The following TTLL5 variants were observed in gnomAD, a reference collection of about 807,000 sequenced individuals.
The protein encoded by TTLL5 is tubulin polyglutamylase TTLL5.
Under a neutral mutation model 168.4 loss-of-function variants are expected in TTLL5, and 132 were observed. That is an observed-to-expected ratio of 0.78 (90% CI 0.68 to 0.91). The LOEUF (loss-of-function observed/expected upper bound fraction) is 0.91. Ranked by LOEUF, TTLL5 falls within the 40% of genes least tolerant of loss-of-function variation. The probability of loss-of-function intolerance (pLI) is 0.00; values close to 1 mark genes in which losing one functional copy is unlikely to be tolerated. For missense variants in TTLL5, 1,545 were observed against 1,581.5 expected (o/e 0.98, Z 0.39); for synonymous variants, 546 against 558.6 (o/e 0.98, Z 0.32).
At chr14:75,844,124 G>A (rs977242691) in intron 28 of TTLL5, among the ~76,000 whole-genome samples, 6 of 151,710 alleles carry the variant, frequency 4.0e-5, no homozygotes, top group African/African-American at 9.7e-5. Flanking sequence ...CTCATGATCC[G>A]CCCGCCTCAG....
intron 7 of TTLL5, among the ~76,000 whole-genome samples, chr14:75,706,259 T>G (rs1886652210): frequency 6.6e-6 from 1 of 152,222 alleles, no homozygotes; most frequent in African/African-American, 2.4e-5. Flanking sequence ...AAATGCTGCT[T>G]TGTGTTCTTT....
At chr14:75,695,884 C>T (rs1885814709) in intron 6 of TTLL5, among the ~76,000 whole-genome samples, 1 of 136,910 alleles carries the variant, frequency 7.3e-6, no homozygotes. Context: ...CCTTCCCTCC[C>T]CTCTCCTTCC....
At chr14:75,698,538 G>T (rs1886026156) in intron 6 of TTLL5, among the ~76,000 whole-genome samples, 1 of 152,170 alleles carries the variant, frequency 6.6e-6, no homozygotes, top group Admixed American at 6.5e-5. Context: ...AAAGATTCAT[G>T]ATGATTCTTT....
intron 18 of TTLL5, among the ~76,000 whole-genome samples, chr14:75,762,700 T>C (rs1890727452): frequency 6.6e-6 from 1 of 152,228 alleles, no homozygotes; most frequent in Non-Finnish European, 1.5e-5. Context: ...TTCTTAGTTG[T>C]TATTTTAAAA....
chr14:75,690,970 G>A (rs1474801953), intron 6 of TTLL5, among the ~76,000 whole-genome samples: 2 of 151,952 alleles, frequency 1.3e-5, no homozygotes, highest in African/African-American at 4.8e-5. Flanking sequence ...CTTCCTTTTC[G>A]GTATCCCTTT....
At chr14:75,836,693 C>CA (rs202011638) in intron 28 of TTLL5, among the ~76,000 whole-genome samples, 1,842 of 151,434 alleles carry the variant, frequency 0.012, 26 homozygotes, top group Non-Finnish European at 0.02. Flanking sequence ...GCTATGTATG[C>CA]AAAAAAATGA....
intron 15 of TTLL5, among the ~76,000 whole-genome samples, chr14:75,737,004 A>G (rs1888953172): frequency 6.6e-6 from 1 of 152,228 alleles, no homozygotes; most frequent in Non-Finnish European, 1.5e-5. Context: ...CCACAGAATT[A>G]TGTATAAAGG....
At chr14:75,777,752 G>A (rs1011105670) in intron 23 of TTLL5, among the ~76,000 whole-genome samples, 2 of 152,128 alleles carry the variant, frequency 1.3e-5, no homozygotes, top group African/African-American at 4.8e-5. Context: ...GTTAAATGAG[G>A]TAGGGGTAGG....
rs528475262 is a variant in TTLL5 at position 75,846,870 on chromosome 14, G to A, written c.3327-16797G>A. Among the ~76,000 whole-genome samples the A allele has an allele frequency of 1.9e-4, 29 of 151,636 alleles. No individual in the cohort carries two copies. The East Asian group carries it at 4.6e-3, about 24-fold the overall frequency. ...TGGCCTCCAGGCCATTTATGGACTC[G>A]AAGTGTGAGGAATTAGTCCATAAGG... is the stretch of plus-strand genomic sequence containing the variant. On this transcript the variant is annotated intron_variant, in intron 28 of 31. Coordinates refer to ENST00000298832, the MANE Select transcript of TTLL5 (RefSeq NM_015072.5).
chr14:75,678,042 G>A (rs1226191043), intron 3 of TTLL5, among the ~76,000 whole-genome samples: 2 of 152,290 alleles, frequency 1.3e-5, no homozygotes, highest in East Asian at 3.9e-4. Context: ...AAGCACTGCA[G>A]AACATGCACA....
chr14:75,792,792 C>T (rs1892799247), intron 26 of TTLL5, 124 bp from the exon 27 acceptor site: 3 of 759,498 alleles, frequency 3.9e-6, no homozygotes, highest in Non-Finnish European at 5.8e-6. Context: ...TTTATTTCTC[C>T]TATATTATTA....
At chr14:75,664,917 G>A (rs1160294362) in intron 2 of TTLL5, among the ~76,000 whole-genome samples, 1 of 152,180 alleles carries the variant, frequency 6.6e-6, no homozygotes, top group Non-Finnish European at 1.5e-5. Context: ...TGAACTATAT[G>A]AAACTGCCAT....
chr14:75,833,183 C>G (rs1408705086), intron 28 of TTLL5, among the ~76,000 whole-genome samples: 2 of 152,188 alleles, frequency 1.3e-5, no homozygotes, highest in Non-Finnish European at 2.9e-5. Context: ...CCCCTAGCCT[C>G]CTCCCTCTTT....
chr14:75,864,317 G>A (rs553380454), intron 29 of TTLL5, among the ~76,000 whole-genome samples: 11 of 152,292 alleles, frequency 7.2e-5, no homozygotes, highest in Admixed American at 7.2e-4. Flanking sequence ...TAAATAAGTT[G>A]CAAGTTCTTC....
At chr14:75,848,786 T>C (rs1896690750) in intron 28 of TTLL5, among the ~76,000 whole-genome samples, 1 of 152,242 alleles carries the variant, frequency 6.6e-6, no homozygotes, top group African/African-American at 2.4e-5. Flanking sequence ...AGCTCACTGC[T>C]AGAATCCTAA....
intron 28 of TTLL5, among the ~76,000 whole-genome samples, chr14:75,848,700 G>C (rs573521057): frequency 6.6e-6 from 1 of 152,310 alleles, no homozygotes; most frequent in East Asian, 1.9e-4. Flanking sequence ...ATGTTCATAA[G>C]GCTGAGGACC....
At chr14:75,673,344 GCTC>G (rs1348483162) in intron 3 of TTLL5, among the ~76,000 whole-genome samples, 1 of 152,184 alleles carries the variant, frequency 6.6e-6, no homozygotes, top group Non-Finnish European at 1.5e-5. Flanking sequence ...ACTTATCTCT[GCTC>G]CTCTTGGATT....
intron 31 of TTLL5, among the ~76,000 whole-genome samples, chr14:75,932,808 T>A (rs2034317413): frequency 6.6e-6 from 1 of 152,218 alleles, no homozygotes. Flanking sequence ...CTCAAAATAG[T>A]TGCCATGTCT....
intron 18 of TTLL5, among the ~76,000 whole-genome samples, chr14:75,755,418 A>G (rs1047945788): frequency 6.6e-6 from 1 of 151,968 alleles, no homozygotes; most frequent in Non-Finnish European, 1.5e-5. Flanking sequence ...TTATACATCC[A>G]TATTCTTACA....
Sources: gnomAD v4.1 joint callset for allele counts (sites outside exome capture counted in the v4.1 genomes callset) on GRCh38, gnomAD v4.1.1 for gene constraint, MANE v1.5 for transcripts, NCBI Gene and HGNC (gene_info 2026-07-23, HGNC 2026-07-21) for gene names.